PPM1E: variants seen among roughly 807,000 people sequenced by gnomAD.
The protein encoded by PPM1E is protein phosphatase, Mg2+/Mn2+ dependent 1E, also known as protein phosphatase 1E.
A neutral mutation model predicts 65.9 loss-of-function variants in PPM1E; 20 were observed. That is an observed-to-expected ratio of 0.30 (90% confidence interval 0.21 to 0.44). The LOEUF (loss-of-function observed/expected upper bound fraction) is 0.44. Among genes scored for constraint, PPM1E ranks in the 20% least tolerant of loss-of-function variants. The probability of loss-of-function intolerance (pLI) is 1.00; values close to 1 mark genes in which losing one functional copy is unlikely to be tolerated. For synonymous variants in PPM1E, 352 were observed against 374.9 expected (o/e 0.94, Z 0.70); for missense variants, 713 against 953.1 (o/e 0.75, Z 3.32).
intron 1 of PPM1E, among the ~76,000 whole-genome samples, chr17:58,821,353 G>A (rs1266547444): frequency 1.3e-5 from 2 of 152,216 alleles, no homozygotes; most frequent in East Asian, 3.9e-4. Flanking sequence ...CTTCTGATCC[G>A]CCCGTCTCGG....
At chr17:58,874,849 TTTAAA>T (rs1393880790) in intron 1 of PPM1E, among the ~76,000 whole-genome samples, 2 of 152,320 alleles carry the variant, frequency 1.3e-5, no homozygotes, top group Non-Finnish European at 2.9e-5. Flanking sequence ...TCTACAGTTT[TTTAAA>T]TTAAATTTTT....
intron 1 of PPM1E, among the ~76,000 whole-genome samples, chr17:58,807,305 T>G (rs552893067): frequency 6.6e-6 from 1 of 152,346 alleles, no homozygotes; most frequent in South Asian, 2.1e-4. Context: ...AACTATATCT[T>G]GTATATTACT....
intron 1 of PPM1E, among the ~76,000 whole-genome samples, chr17:58,825,524 CAAAT>C (rs979722713): frequency 5.3e-5 from 8 of 151,016 alleles, no homozygotes; most frequent in African/African-American, 1.9e-4. Context: ...TTTCAGGAAA[CAAAT>C]GAAAACGTAT....
At chr17:58,850,404 G>A (rs1328717802) in intron 1 of PPM1E, among the ~76,000 whole-genome samples, 2 of 152,216 alleles carry the variant, frequency 1.3e-5, no homozygotes, top group African/African-American at 2.4e-5. Context: ...TGTTTTTGCA[G>A]TGGCTGGTAC....
chr17:58,809,877 G>A (rs948478022), intron 1 of PPM1E, among the ~76,000 whole-genome samples: 2 of 152,126 alleles, frequency 1.3e-5, no homozygotes, highest in Non-Finnish European at 2.9e-5. Flanking sequence ...AATTACAAAT[G>A]CAAGCCACAT....
chr17:58,764,174 A>G (rs2049850640), intron 1 of PPM1E, among the ~76,000 whole-genome samples: 1 of 151,984 alleles, frequency 6.6e-6, no homozygotes, highest in Non-Finnish European at 1.5e-5. Flanking sequence ...TTACACTTAC[A>G]GTACATCCCA....
chr17:58,831,652 A>G (rs1598599065), intron 1 of PPM1E, among the ~76,000 whole-genome samples: 1 of 152,202 alleles, frequency 6.6e-6, no homozygotes, highest in African/African-American at 2.4e-5. Context: ...TAGTATCTCC[A>G]GTTCCTTAGA....
chr17:58,972,976 C>T lies in PPM1E; in HGVS notation c.1210+51C>T, dbSNP rs559087911. On this transcript the variant is annotated intron_variant, in intron 6 of 6. Coordinates refer to ENST00000308249, the MANE Select transcript of PPM1E (RefSeq NM_014906.5). Reference sequence around the variant, plus strand: ...CCAAACTGTCCTCTTCTAGCTCATTCTCCTGTATCAACTCTGATACAGGGA... The same window carrying T: ...CCAAACTGTCCTCTTCTAGCTCATTTTCCTGTATCAACTCTGATACAGGGA... The T allele has an allele frequency of 1.6e-5, 21 of 1,314,724 alleles. No homozygotes were observed. In the South Asian group the frequency reaches 2.2e-4, roughly 14 times the overall value. 81.4% of individuals were successfully genotyped at this position (1,314,724 alleles called of 1,614,324 possible). A position where few individuals can be genotyped will look rare whatever the true frequency, so the allele number is the denominator to read the frequency against.
At chr17:58,931,936 A>G (rs1287809781) in intron 1 of PPM1E, among the ~76,000 whole-genome samples, 2 of 152,164 alleles carry the variant, frequency 1.3e-5, no homozygotes, top group African/African-American at 4.8e-5. Context: ...CCAGAAGAGA[A>G]TTTACATGTT....
At chr17:58,859,118 G>T (rs888886421) in intron 1 of PPM1E, among the ~76,000 whole-genome samples, 4 of 152,202 alleles carry the variant, frequency 2.6e-5, no homozygotes, top group Non-Finnish European at 5.9e-5. Flanking sequence ...TATATAGGCA[G>T]TTAACAGGGT....
chr17:58,887,983 G>A (rs1207939101), intron 1 of PPM1E, among the ~76,000 whole-genome samples: 2 of 152,100 alleles, frequency 1.3e-5, no homozygotes, highest in Non-Finnish European at 2.9e-5. Context: ...TTGTTTATGT[G>A]GTGTACGTGA....
chr17:58,978,870 A>G (rs2031189247), intron 6 of PPM1E, among the ~76,000 whole-genome samples: 1 of 152,150 alleles, frequency 6.6e-6, no homozygotes, highest in African/African-American at 2.4e-5. Flanking sequence ...AAAGCCCTAA[A>G]TGATCAATTA....
intron 1 of PPM1E, among the ~76,000 whole-genome samples, chr17:58,777,253 CCAAA>C (rs1017324960): frequency 1.3e-5 from 2 of 151,934 alleles, no homozygotes; most frequent in African/African-American, 4.8e-5. Context: ...ATAGATATGC[CCAAA>C]CATTTTGCTC....
intron 1 of PPM1E, among the ~76,000 whole-genome samples, chr17:58,767,620 A>G (rs533855522): frequency 6.6e-5 from 10 of 151,950 alleles, no homozygotes; most frequent in African/African-American, 9.7e-5. Context: ...TGAACTTACT[A>G]TGGTTCTCTT....
intron 4 of PPM1E, among the ~76,000 whole-genome samples, chr17:58,970,893 A>G (rs1176078307): frequency 6.6e-6 from 1 of 152,010 alleles, no homozygotes; most frequent in Non-Finnish European, 1.5e-5. Context: ...ATCAATGTGA[A>G]ACAAAGAGAT....
intron 1 of PPM1E, among the ~76,000 whole-genome samples, chr17:58,821,603 G>A (rs2143138175): frequency 6.6e-6 from 1 of 152,274 alleles, no homozygotes; most frequent in South Asian, 2.1e-4. Context: ...CTTACGGCAG[G>A]GCAGGAACTT....
At chr17:58,781,461 C>T (rs1366819968) in intron 1 of PPM1E, among the ~76,000 whole-genome samples, 5 of 151,970 alleles carry the variant, frequency 3.3e-5, no homozygotes, top group Non-Finnish European at 7.4e-5. Flanking sequence ...GATTTCTAAG[C>T]AGTCTTCATG....
chr17:58,786,805 A>G (rs1163394092), intron 1 of PPM1E, among the ~76,000 whole-genome samples: 3 of 152,236 alleles, frequency 2.0e-5, no homozygotes, highest in East Asian at 3.8e-4. Flanking sequence ...CAGTTTATAC[A>G]TAATTTAATA....
At chr17:58,964,853 G>A (rs2030163749) in intron 2 of PPM1E, among the ~76,000 whole-genome samples, 1 of 152,058 alleles carries the variant, frequency 6.6e-6, no homozygotes, top group Non-Finnish European at 1.5e-5. Context: ...AGACCAGCCT[G>A]GCCAACATGG....
Sources: allele counts gnomAD v4.1 joint callset (sites outside exome capture counted in the v4.1 genomes callset), GRCh38; gene constraint gnomAD v4.1.1; transcripts MANE v1.5; gene names NCBI Gene and HGNC (gene_info 2026-07-23, HGNC 2026-07-21).